PRKCI: variants seen among roughly 807,000 people sequenced by gnomAD.
PRKCI encodes protein kinase C iota type.
PRKCI carries 43 observed loss-of-function variants against 84.0 expected under a neutral mutation model. The observed-to-expected ratio is 0.51, with a 90% CI of 0.40 to 0.66. The LOEUF is 0.66. PRKCI is among the 30% of genes least tolerant of loss of function. The probability of loss-of-function intolerance (pLI) is 0.00; values close to 1 mark genes in which losing one functional copy is unlikely to be tolerated. For missense variants in PRKCI, 459 were observed against 745.6 expected (o/e 0.62, Z 4.48); for synonymous variants, 216 against 234.4 (o/e 0.92, Z 0.72).
At chr3:170,283,035 G>A (rs1734291318) in intron 11 of PRKCI, among the ~76,000 whole-genome samples, 1 of 151,824 alleles carries the variant, frequency 6.6e-6, no homozygotes, top group Non-Finnish European at 1.5e-5. Context: ...AGCCCGGGAG[G>A]CGGAGGTTGC....
At chr3:170,291,386 T>G (rs1370676659) in intron 12 of PRKCI, among the ~76,000 whole-genome samples, 1 of 152,132 alleles carries the variant, frequency 6.6e-6, no homozygotes, top group Non-Finnish European at 1.5e-5. Flanking sequence ...TATTTAGTGG[T>G]GATCTGTGAT....
intron 2 of PRKCI, among the ~76,000 whole-genome samples, chr3:170,257,899 G>A (rs1733628067): frequency 6.6e-6 from 1 of 151,814 alleles, no homozygotes; most frequent in Admixed American, 6.6e-5. Context: ...CCTGACCTCA[G>A]GCGATCCACC....
chr3:170,287,713 C>A (rs1302251578), intron 12 of PRKCI, among the ~76,000 whole-genome samples: 1 of 151,284 alleles, frequency 6.6e-6, no homozygotes, highest in East Asian at 1.9e-4. Flanking sequence ...AGTTTGAGAC[C>A]AGCCTGGCCA....
At chr3:170,279,961 C>T (rs1479925416) in intron 8 of PRKCI, among the ~76,000 whole-genome samples, 1 of 152,070 alleles carries the variant, frequency 6.6e-6, no homozygotes, top group Non-Finnish European at 1.5e-5. Flanking sequence ...GTTATCGTAT[C>T]CTTTTTAAGA....
chr3:170,305,608 C>A lies in PRKCI; in HGVS notation c.*2481C>A, dbSNP rs9824427. The A allele has an allele frequency of 2.0e-5, 3 of 152,078 alleles. No homozygotes were observed. The highest frequency in any genetic ancestry group is 7.2e-5 in the African/African-American group (3 of 41,392). 9.4% of individuals were successfully genotyped at this position (152,078 alleles called of 1,614,324 possible). On this transcript the variant is annotated 3_prime_UTR_variant, in exon 18 of 18. Transcript: ENST00000295797. ...ACGGTGTGTATTTTATACAGAAATGCATTATAAATGTTTTTAATTGTGTTC... is the reference window on the plus strand; with the variant it reads ...ACGGTGTGTATTTTATACAGAAATGAATTATAAATGTTTTTAATTGTGTTC...
At chr3:170,233,584 A>G (rs949802626) in intron 1 of PRKCI, among the ~76,000 whole-genome samples, 4 of 152,214 alleles carry the variant, frequency 2.6e-5, no homozygotes, top group Non-Finnish European at 5.9e-5. Flanking sequence ...GTGGAATGTT[A>G]TGAACATAGT....
chr3:170,252,794 T>C (rs570439451), intron 2 of PRKCI, among the ~76,000 whole-genome samples: 1 of 152,114 alleles, frequency 6.6e-6, no homozygotes, highest in Non-Finnish European at 1.5e-5. Flanking sequence ...GGTCTCACTG[T>C]GTTGCCCGGG....
At chr3:170,265,893 T>G (rs1733847358) in intron 4 of PRKCI, among the ~76,000 whole-genome samples, 1 of 152,244 alleles carries the variant, frequency 6.6e-6, no homozygotes, top group South Asian at 2.1e-4. Flanking sequence ...AGTGCTGGGA[T>G]TACGGGCGTG....
At chr3:170,269,765 C>G (rs1733954236) in intron 5 of PRKCI, among the ~76,000 whole-genome samples, 1 of 152,086 alleles carries the variant, frequency 6.6e-6, no homozygotes, top group Non-Finnish European at 1.5e-5. Flanking sequence ...TGAGACCAGC[C>G]TGACCAACAT....
rs546147028 is a variant in PRKCI at position 170,267,123 on chromosome 3, G to C, written c.365-792G>C. On this transcript the variant is annotated intron_variant, in intron 4 of 17. Transcript: ENST00000295797. ...GTGGTTAGGTAGAATTGGGTGGCGG[G>C]GGGGTGCGGAATATCCTTAATCTCA... Among the ~76,000 whole-genome samples the C allele has an allele frequency of 3.9e-5, 6 of 152,232 alleles. No individual in the cohort carries two copies. In the East Asian group the frequency reaches 9.6e-4, roughly 24 times the overall value.
chr3:170,294,449 GA>G (rs754009539), intron 14 of PRKCI, among the ~76,000 whole-genome samples: 12 of 152,182 alleles, frequency 7.9e-5, no homozygotes, highest in Non-Finnish European at 1.5e-4. Flanking sequence ...GCAATTAAGG[GA>G]ATGCACATTA....
At chr3:170,295,454 C>T (rs1734666719) in intron 14 of PRKCI, among the ~76,000 whole-genome samples, 1 of 151,506 alleles carries the variant, frequency 6.6e-6, no homozygotes. Flanking sequence ...GGATCACTTA[C>T]CTTCATGAGG....
intron 2 of PRKCI, among the ~76,000 whole-genome samples, chr3:170,242,049 C>T (rs771738579): frequency 1.2e-4 from 19 of 152,184 alleles, no homozygotes; most frequent in Non-Finnish European, 2.2e-4. Context: ...ATGGAGGTTG[C>T]GGTGAGCCGA....
chr3:170,262,049 C>T (rs1367781964), intron 3 of PRKCI, among the ~76,000 whole-genome samples: 3 of 152,154 alleles, frequency 2.0e-5, no homozygotes, highest in Admixed American at 6.5e-5. Flanking sequence ...AGGAACTGTG[C>T]TTCCTATAGT....
At chr3:170,233,413 A>G (rs1463422252) in intron 1 of PRKCI, among the ~76,000 whole-genome samples, 1 of 152,132 alleles carries the variant, frequency 6.6e-6, no homozygotes, top group Non-Finnish European at 1.5e-5. Context: ...AAAGCAGATT[A>G]TATTCTGTTG....
At chr3:170,239,944 T>C (rs1330400592) in intron 2 of PRKCI, among the ~76,000 whole-genome samples, 2 of 152,092 alleles carry the variant, frequency 1.3e-5, no homozygotes, top group Admixed American at 6.6e-5. Flanking sequence ...GCCCAGAAGT[T>C]TGAGACCAGT....
At position 170,245,235 on chromosome 3, in the gene PRKCI, A is replaced by AT. The variant is rs138754064; in HGVS notation, c.223+9887dup. ...CCCAGTTTGTAGCCAAGTCAGACTAATTTGACTGATTTGTGGCTAATTTGA... is the reference window on the plus strand; with the variant it reads ...CCCAGTTTGTAGCCAAGTCAGACTAATTTTGACTGATTTGTGGCTAATTTGA... On this transcript the variant is annotated intron_variant, in intron 2 of 17. Transcript: ENST00000295797. 5.0e-3 allele frequency among the ~76,000 whole-genome samples: 766 copies of AT among 152,240 alleles called. 7 individuals carry two copies. The highest frequency in any genetic ancestry group is 0.017 in the African/African-American group (712 of 41,540).
At chr3:170,263,239 C>T in intron 3 of PRKCI, 140 bp from the exon 4 acceptor site, 1 of 602,688 alleles carries the variant, frequency 1.7e-6, no homozygotes. Flanking sequence ...ATATTGATCA[C>T]ATGCTAAGTA....
chr3:170,251,034 G>A (rs553655406), intron 2 of PRKCI, among the ~76,000 whole-genome samples: 2 of 152,120 alleles, frequency 1.3e-5, no homozygotes, highest in African/African-American at 2.4e-5. Flanking sequence ...CAATCAGAAA[G>A]TATATTCAAA....
Sources: gnomAD v4.1 joint callset for allele counts (sites outside exome capture counted in the v4.1 genomes callset) on GRCh38, gnomAD v4.1.1 for gene constraint, MANE v1.5 for transcripts, NCBI Gene and HGNC (gene_info 2026-07-23, HGNC 2026-07-21) for gene names.